The following SLC14A2 variants were observed in gnomAD, a reference collection of about 807,000 sequenced individuals.
The protein encoded by SLC14A2 is solute carrier family 14 member 2.
A neutral mutation model predicts 104.6 loss-of-function variants in SLC14A2; 91 were observed. The observed-to-expected ratio is 0.87, with a 90% CI of 0.73 to 1.04. SLC14A2 has a LOEUF of 1.04. Ranked by LOEUF, SLC14A2 falls within the 50% of genes least tolerant of loss-of-function variation. SLC14A2 has a pLI of 0.00. For missense variants in SLC14A2, 1,189 were observed against 1,156.0 expected (o/e 1.03, Z -0.41); for synonymous variants, 476 against 466.4 (o/e 1.02, Z -0.27).
intron 1 of SLC14A2, among the ~76,000 whole-genome samples, chr18:45,348,963 G>A (rs756682337): frequency 6.6e-6 from 1 of 152,198 alleles, no homozygotes; most frequent in African/African-American, 2.4e-5. Flanking sequence ...CATGTCAGAG[G>A]TATCAGCTTG....
chr18:45,637,275 C>G, intron 6 of SLC14A2, 93 bp downstream of exon 6: 1 of 997,332 alleles, frequency 1.0e-6, no homozygotes, highest in Non-Finnish European at 1.5e-6. Flanking sequence ...CTCTCAACTT[C>G]TCTAGAAACA....
At chr18:45,633,601 C>A (rs1479202399) in intron 5 of SLC14A2, among the ~76,000 whole-genome samples, 4 of 152,278 alleles carry the variant, frequency 2.6e-5, no homozygotes, top group Non-Finnish European at 5.9e-5. Flanking sequence ...AACCTTTGTC[C>A]CCCAGACCCT....
intron 14 of SLC14A2, 137 bp from the exon 15 acceptor site, chr18:45,668,212 C>T: frequency 7.9e-7 from 1 of 1,263,912 alleles, no homozygotes; most frequent in Non-Finnish European, 1.1e-6. Flanking sequence ...GGTTGTCTTC[C>T]TTCCCCACTC....
chr18:45,493,546 T>A (rs566829239), intron 2 of SLC14A2, among the ~76,000 whole-genome samples: 1 of 152,350 alleles, frequency 6.6e-6, no homozygotes, highest in Non-Finnish European at 1.5e-5. Context: ...TATTAATTAC[T>A]TTGTGATAAT....
chr18:45,418,352 C>T (rs1048848516), intron 1 of SLC14A2, among the ~76,000 whole-genome samples: 1 of 152,156 alleles, frequency 6.6e-6, no homozygotes, highest in Non-Finnish European at 1.5e-5. Context: ...GAGGTGGCAG[C>T]CATCTCTGGC....
intron 1 of SLC14A2, among the ~76,000 whole-genome samples, chr18:45,466,241 A>G (rs746283545): frequency 6.6e-6 from 1 of 151,972 alleles, no homozygotes. Flanking sequence ...GACTGCTAGG[A>G]TATGGTTGAC....
At chr18:45,679,376 A>T (rs796814898) in intron 19 of SLC14A2, among the ~76,000 whole-genome samples, 13 of 152,368 alleles carry the variant, frequency 8.5e-5, no homozygotes, top group African/African-American at 2.9e-4. Context: ...CTTGTGAGCC[A>T]GCATATATCT....
At chr18:45,235,417 T>G (rs896742261) in intron 1 of SLC14A2, among the ~76,000 whole-genome samples, 2 of 152,186 alleles carry the variant, frequency 1.3e-5, no homozygotes, top group African/African-American at 4.8e-5. Flanking sequence ...TTCTTAGTGT[T>G]GGAAAAATTA....
At position 45,313,245 on chromosome 18, in the gene SLC14A2, C is replaced by T. The variant is rs576970497; in HGVS notation, c.-125+100054C>T. ...TCTTCATCAAGAGGGGGACTAGATG[C>T]CCACTTCTAGGATGGGATTGGAGGA... On this transcript the variant is annotated intron_variant, in intron 1 of 20. Transcript: ENST00000586448. Among the ~76,000 whole-genome samples, 94 of 152,242 alleles carry T rather than the reference C, an allele frequency of 6.2e-4. 1 individual carries two copies. The highest frequency in any genetic ancestry group is 2.2e-3 in the African/African-American group (93 of 41,558).
chr18:45,532,304 T>G (rs1381414154), intron 2 of SLC14A2, among the ~76,000 whole-genome samples: 1 of 152,230 alleles, frequency 6.6e-6, no homozygotes, highest in Non-Finnish European at 1.5e-5. Flanking sequence ...TATGGCCATT[T>G]TCACAATATT....
intron 2 of SLC14A2, chr18:45,507,143 C>T (rs1421368416): frequency 2.0e-5 from 3 of 152,118 alleles, no homozygotes; most frequent in Non-Finnish European, 4.4e-5. Flanking sequence ...CATCATAACC[C>T]CGGGTCCCCA....
intron 1 of SLC14A2, among the ~76,000 whole-genome samples, chr18:45,615,966 G>A (rs2045063654): frequency 6.6e-6 from 1 of 152,120 alleles, no homozygotes. Context: ...TGTTAGGGGT[G>A]GGTGTGTGAG....
chr18:45,304,430 T>C (rs1213048736), intron 1 of SLC14A2, among the ~76,000 whole-genome samples: 11 of 152,232 alleles, frequency 7.2e-5, no homozygotes, highest in Non-Finnish European at 1.0e-4. Flanking sequence ...TTTTTGTCTC[T>C]GTTTCTAAGC....
At chr18:45,253,899 C>A (rs1033686705) in intron 1 of SLC14A2, among the ~76,000 whole-genome samples, 1 of 152,152 alleles carries the variant, frequency 6.6e-6, no homozygotes, top group African/African-American at 2.4e-5. Flanking sequence ...AGATTCTATT[C>A]TATATCTAGA....
intron 1 of SLC14A2, among the ~76,000 whole-genome samples, chr18:45,383,781 A>G (rs1414369743): frequency 6.6e-6 from 1 of 152,118 alleles, no homozygotes; most frequent in Non-Finnish European, 1.5e-5. Flanking sequence ...TAGGAGAGCA[A>G]TCTGAAAAAT....
At chr18:45,275,373 A>G (rs1040450940) in intron 1 of SLC14A2, among the ~76,000 whole-genome samples, 2 of 152,224 alleles carry the variant, frequency 1.3e-5, no homozygotes, top group East Asian at 1.9e-4. Context: ...GATAAACTCA[A>G]TAAGTACTGA....
At chr18:45,459,799 C>T (rs2087010797) in intron 1 of SLC14A2, among the ~76,000 whole-genome samples, 1 of 152,180 alleles carries the variant, frequency 6.6e-6, no homozygotes, top group Admixed American at 6.5e-5. Flanking sequence ...GGTAGCATCC[C>T]CATTTATAAG....
chr18:45,356,530 G>A (rs1311296127), intron 1 of SLC14A2, among the ~76,000 whole-genome samples: 1 of 152,174 alleles, frequency 6.6e-6, no homozygotes, highest in Admixed American at 6.5e-5. Context: ...TGAGATACGG[G>A]AAACGATGTG....
chr18:45,423,272 AT>A (rs2144524752), intron 1 of SLC14A2, among the ~76,000 whole-genome samples: 1 of 152,204 alleles, frequency 6.6e-6, no homozygotes, highest in East Asian at 1.9e-4. Flanking sequence ...TCAAGATGCT[AT>A]ATTATCATAT....
Sources: gnomAD v4.1 joint callset for allele counts (sites outside exome capture counted in the v4.1 genomes callset) on GRCh38, gnomAD v4.1.1 for gene constraint, MANE v1.5 for transcripts, NCBI Gene and HGNC (gene_info 2026-07-23, HGNC 2026-07-21) for gene names.